TASP1: variants seen among roughly 807,000 people sequenced by gnomAD.
TASP1 encodes the protein taspase 1.
In TASP1, 16 loss-of-function variants were observed where a neutral mutation model predicts 56.6. The ratio of observed to expected loss-of-function variants is 0.28; its 90% CI spans 0.19 to 0.43. TASP1 has a LOEUF of 0.43. TASP1 is among the 20% of genes least tolerant of loss of function. TASP1 has a pLI of 1.00. For missense variants in TASP1, 393 were observed against 511.6 expected (o/e 0.77, Z 2.24); for synonymous variants, 179 against 184.2 (o/e 0.97, Z 0.23).
intron 1 of TASP1, among the ~76,000 whole-genome samples, chr20:13,636,140 C>CTTTT (rs36048272): frequency 2.0e-4 from 20 of 98,030 alleles, no homozygotes; most frequent in Non-Finnish European, 3.0e-4. Flanking sequence ...TGTGTTGTTG[C>CTTTT]TTTTTTTTTT....
At chr20:13,555,076 T>C (rs1252765395) in intron 8 of TASP1, among the ~76,000 whole-genome samples, 1 of 152,176 alleles carries the variant, frequency 6.6e-6, no homozygotes, top group East Asian at 1.9e-4. Context: ...GCTTTATTAA[T>C]AAGCTCACCT....
chr20:13,510,264 T>C (rs2044280053), intron 10 of TASP1, among the ~76,000 whole-genome samples: 1 of 151,996 alleles, frequency 6.6e-6, no homozygotes, highest in Non-Finnish European at 1.5e-5. Flanking sequence ...ACAGAAAGAG[T>C]TTATTAATTT....
rs1218049851 is a variant in TASP1, at chr20:13,588,307, A to AAGGAAGGG, written c.283-938_283-937insCCCTTCCT. Among the ~76,000 whole-genome samples the AAGGAAGGG allele has an allele frequency of 3.3e-3, 371 of 111,252 alleles. 7 individuals carry two copies. The highest frequency in any genetic ancestry group is 9.0e-3 in the African/African-American group (283 of 31,526). The allele number at this position is 111,252 out of a possible 152,430, so 73.0% of individuals were successfully genotyped here. A position where few individuals can be genotyped will look rare whatever the true frequency, so the allele number is the denominator to read the frequency against. On this transcript the variant is annotated intron_variant, in intron 4 of 13. Transcript: ENST00000337743. The stretch of plus-strand genomic sequence containing the variant: ...GAAGGAAGGAAGGAAGGAAGGAAGG[A>AAGGAAGGG]AGAGAAAGAAAAGGAAGGAAGGAAG...
the TASP1 span, among the ~76,000 whole-genome samples, chr20:13,218,743 C>T: frequency 6.6e-6 from 1 of 152,172 alleles, no homozygotes; most frequent in African/African-American, 2.4e-5. Context: ...AAACAGAGCC[C>T]TGCTGGCAAG....
At chr20:13,198,798 CTTT>C in the TASP1 span, among the ~76,000 whole-genome samples, 1 of 13,200 alleles carries the variant, frequency 7.6e-5, no homozygotes, top group Non-Finnish European at 2.4e-4. Context: ...CTTTGTCTTT[CTTT>C]CTTTCTTTCT....
At chr20:13,235,096 G>A in the TASP1 span, among the ~76,000 whole-genome samples, 2 of 152,086 alleles carry the variant, frequency 1.3e-5, no homozygotes, top group Non-Finnish European at 2.9e-5. Flanking sequence ...AAATCTCAAC[G>A]GTCTGCAATT....
intron 12 of TASP1, among the ~76,000 whole-genome samples, chr20:13,423,677 T>C (rs1198001808): frequency 6.6e-6 from 1 of 152,220 alleles, no homozygotes; most frequent in Non-Finnish European, 1.5e-5. Context: ...CGGTTCCTCC[T>C]GTAGAGGGAA....
At chr20:13,574,631 A>AC (rs1485906530) in intron 6 of TASP1, among the ~76,000 whole-genome samples, 1 of 66,538 alleles carries the variant, frequency 1.5e-5, no homozygotes, top group Non-Finnish European at 2.9e-5. Flanking sequence ...TACATGGAAG[A>AC]CATTTTTTAA....
chr20:13,152,162 C>T, the TASP1 span, among the ~76,000 whole-genome samples: 1 of 152,042 alleles, frequency 6.6e-6, no homozygotes, highest in Non-Finnish European at 1.5e-5. Context: ...GGCCACCTAC[C>T]AACTATGTAA....
At position 13,589,260 on chromosome 20, in the gene TASP1, G is replaced by A. The variant is rs186773448; in HGVS notation, c.283-1890C>T. On this transcript the variant is annotated intron_variant, in intron 4 of 13. Transcript: ENST00000337743. ...TTTTAGTAGAGACAGGGTTTTCACCGTGTTAGCCAGGATGGTCTCGATCTC... is the reference window on the plus strand; with the variant it reads ...TTTTAGTAGAGACAGGGTTTTCACCATGTTAGCCAGGATGGTCTCGATCTC... Among the ~76,000 whole-genome samples, 433 of 151,934 alleles carry A rather than the reference G, an allele frequency of 2.8e-3. 2 individuals are homozygous for A. Among genetic ancestry groups the A allele is most frequent in the South Asian group, 0.011 (53 of 4,808 alleles).
At chr20:13,221,995 A>T in the TASP1 span, 1 of 1,216,176 alleles carries the variant, frequency 8.2e-7, no homozygotes, top group South Asian at 2.8e-5. Flanking sequence ...TGCCGGGTGG[A>T]TGCAGGGAGG....
chr20:13,142,708 A>T, the TASP1 span, among the ~76,000 whole-genome samples: 1 of 152,170 alleles, frequency 6.6e-6, no homozygotes, highest in Non-Finnish European at 1.5e-5. Flanking sequence ...CTGCTGTTTT[A>T]TCTGGAGCTC....
intron 8 of TASP1, among the ~76,000 whole-genome samples, chr20:13,539,025 G>A (rs962934498): frequency 2.6e-5 from 4 of 151,920 alleles, no homozygotes; most frequent in Non-Finnish European, 1.5e-5. Flanking sequence ...TCCAGCCTGG[G>A]TGACACAGTG....
At chr20:13,588,606 A>G (rs1003275613) in intron 4 of TASP1, among the ~76,000 whole-genome samples, 1 of 152,228 alleles carries the variant, frequency 6.6e-6, no homozygotes, top group Non-Finnish European at 1.5e-5. Context: ...CATTTTTAAA[A>G]GAAGTATAAG....
the TASP1 span, among the ~76,000 whole-genome samples, chr20:13,182,624 G>A: frequency 6.6e-6 from 1 of 152,142 alleles, no homozygotes. Flanking sequence ...CCAATCAATT[G>A]TTAAACATGT....
chr20:13,453,344 G>A (rs1220866717), intron 11 of TASP1, among the ~76,000 whole-genome samples: 2 of 152,094 alleles, frequency 1.3e-5, no homozygotes, highest in Admixed American at 1.3e-4. Context: ...TGGCCAAGAC[G>A]TTCAAGAGAG....
At chr20:13,278,098 T>G in the TASP1 span, among the ~76,000 whole-genome samples, 1 of 152,320 alleles carries the variant, frequency 6.6e-6, no homozygotes, top group Admixed American at 6.5e-5. Context: ...TGCATGTTTC[T>G]GATTCATTTG....
At chr20:13,591,538 G>A (rs1391917740) in intron 4 of TASP1, among the ~76,000 whole-genome samples, 2 of 152,010 alleles carry the variant, frequency 1.3e-5, no homozygotes, top group African/African-American at 2.4e-5. Context: ...CATAAAAATT[G>A]GGATAATTTT....
At chr20:13,553,152 C>A (rs898518725) in intron 8 of TASP1, among the ~76,000 whole-genome samples, 5 of 152,106 alleles carry the variant, frequency 3.3e-5, no homozygotes, top group African/African-American at 1.2e-4. Context: ...CTATGTTATC[C>A]AGGCTGGTCT....
Sources: allele counts gnomAD v4.1 joint callset (sites outside exome capture counted in the v4.1 genomes callset), GRCh38; gene constraint gnomAD v4.1.1; transcripts MANE v1.5; gene names NCBI Gene and HGNC (gene_info 2026-07-23, HGNC 2026-07-21).